Variants in CRMP1 observed in about 807,000 individuals in gnomAD.
The protein encoded by CRMP1 is dihydropyrimidinase-related protein 1.
CRMP1 carries 19 observed loss-of-function variants against 68.3 expected under a neutral mutation model. That is an observed-to-expected ratio of 0.28 (90% CI 0.19 to 0.41). The LOEUF (loss-of-function observed/expected upper bound fraction) is 0.41, where lower values mean the gene tolerates loss of function less well. Ranked by LOEUF, CRMP1 falls within the 10% of genes least tolerant of loss-of-function variation. CRMP1 has a pLI of 1.00. For missense variants in CRMP1, 791 were observed against 967.4 expected, an observed-to-expected ratio of 0.82 and a Z score of 2.42; for synonymous variants, 439 against 399.6, an observed-to-expected ratio of 1.10 and a Z score of -1.18.
intron 13 of CRMP1, among the ~76,000 whole-genome samples, chr4:5,823,928 T>G (rs1013101838): frequency 1.3e-5 from 2 of 152,230 alleles, no homozygotes; most frequent in African/African-American, 4.8e-5. Flanking sequence ...GAGGTTGTTA[T>G]GATGTTGGAA....
At chr4:5,878,011 C>G (rs1053433646) in intron 1 of CRMP1, among the ~76,000 whole-genome samples, 2 of 152,248 alleles carry the variant, frequency 1.3e-5, no homozygotes, top group Non-Finnish European at 2.9e-5. Context: ...CCGAACAGAA[C>G]TCCTTTGCCT....
In CRMP1 at chr4:5,861,878, G is replaced by A. The variant is rs1057331114; in HGVS notation, c.471-668C>T. Among the ~76,000 whole-genome samples, 6 of 152,188 alleles carry A rather than the reference G, an allele frequency of 3.9e-5. No individual in the cohort carries two copies. Among genetic ancestry groups the A allele is most frequent in the African/African-American group, 7.2e-5 (3 of 41,446 alleles). On this transcript the variant is annotated intron_variant, in intron 2 of 13. Transcript: ENST00000324989. This position sits in a 1 kb window ranked among gnomAD's most constrained non-coding sequence, Gnocchi z 6.0. ...AAAAATCCAATTGTTGTGAACGCTT[G>A]AGATTGGGCAGCATATTAATTTTCT...
chr4:5,830,252 T>C (rs1720268144), intron 11 of CRMP1, among the ~76,000 whole-genome samples: 1 of 152,226 alleles, frequency 6.6e-6, no homozygotes, highest in South Asian at 2.1e-4. Context: ...TTATCCTTTG[T>C]TATGTGTGTT....
rs1388652700 is a variant in CRMP1, at chr4:5,860,834, A to G, written c.655+192T>C. Among the ~76,000 whole-genome samples, 1 of 152,216 alleles carries G rather than the reference A, an allele frequency of 6.6e-6. No homozygotes were observed. Among genetic ancestry groups the G allele is most frequent in the Non-Finnish European group, 1.5e-5 (1 of 68,040 alleles). ...ATAAAACCGTATTGTTTATTAAGCCATCTTCTGTGGCCCCAGTGGCACACA... is the reference window on the plus strand; with the variant it reads ...ATAAAACCGTATTGTTTATTAAGCCGTCTTCTGTGGCCCCAGTGGCACACA... On this transcript the variant is annotated intron_variant, in intron 3 of 13. Coordinates refer to ENST00000324989, the MANE Select transcript of CRMP1 (RefSeq NM_001014809.3). This position sits in a 1 kb window ranked among gnomAD's most constrained non-coding sequence, Gnocchi z 4.2.
At chr4:5,831,496 T>C (rs1720379212) in intron 11 of CRMP1, among the ~76,000 whole-genome samples, 1 of 152,180 alleles carries the variant, frequency 6.6e-6, no homozygotes, top group Non-Finnish European at 1.5e-5. Flanking sequence ...TTTGCTAACC[T>C]AATTCTCCCT....
At position 5,881,544 on chromosome 4, in the gene CRMP1, C is replaced by G. The variant is rs1161580306; in HGVS notation, c.381+11045G>C. ...ATTGCACTTGGTTACCATTCAGCAC[C>G]GTGGTGCTGTCCACTGCCCCGACCA... On this transcript the variant is annotated intron_variant, in intron 1 of 13. Coordinates refer to ENST00000324989, the MANE Select transcript of CRMP1 (RefSeq NM_001014809.3). This position sits in a 1 kb window ranked among gnomAD's most constrained non-coding sequence, Gnocchi z 4.6. Among the ~76,000 whole-genome samples the G allele has an allele frequency of 6.6e-6, 1 of 152,136 alleles. No homozygotes were observed.
At chr4:5,848,126 C>T (rs1712356883) in intron 6 of CRMP1, among the ~76,000 whole-genome samples, 1 of 151,930 alleles carries the variant, frequency 6.6e-6, no homozygotes, top group Non-Finnish European at 1.5e-5. Flanking sequence ...GAAATAGAAC[C>T]TAGCTAGTCA....
At chr4:5,831,985 T>C (rs1720413359) in intron 11 of CRMP1, among the ~76,000 whole-genome samples, 1 of 151,164 alleles carries the variant, frequency 6.6e-6, no homozygotes, top group African/African-American at 2.5e-5. Context: ...CAAGGGGGTA[T>C]TATTCAGCCA....
rs545321200 is a variant in CRMP1, at chr4:5,873,978, T to G, written c.382-7222A>C. Among the ~76,000 whole-genome samples, 49 of 152,238 alleles carry G rather than the reference T, an allele frequency of 3.2e-4. 1 individual carries two copies. Among genetic ancestry groups the G allele is most frequent in the African/African-American group, 1.0e-3 (42 of 41,528 alleles). Reference sequence around the variant, plus strand: ...AACATTTCCAAGCTAAGACATCACATGAGCGCTGGGTGGAAATGGAAGAAG... The same window carrying G: ...AACATTTCCAAGCTAAGACATCACAGGAGCGCTGGGTGGAAATGGAAGAAG... On this transcript the variant is annotated intron_variant, in intron 1 of 13. Transcript: ENST00000324989.
Position 5,891,842 on chromosome 4 carries a change from C to A in CRMP1, c.381+747G>T, listed in dbSNP as rs765402130. Reference sequence around the variant, plus strand: ...AGCCCTAGCGTTCCCTCTCCCTGATCCTCCCGGCCCCATGCTCAGGTCCGG... The same window carrying A: ...AGCCCTAGCGTTCCCTCTCCCTGATACTCCCGGCCCCATGCTCAGGTCCGG... On this transcript the variant is annotated intron_variant, in intron 1 of 13. Transcript: ENST00000324989. This position sits in a 1 kb window ranked among gnomAD's most constrained non-coding sequence, Gnocchi z 5.2. Among the ~76,000 whole-genome samples, 2 of 152,190 alleles carry A rather than the reference C, an allele frequency of 1.3e-5. No homozygotes were observed. Among genetic ancestry groups the A allele is most frequent in the Non-Finnish European group, 2.9e-5 (2 of 68,036 alleles).
intron 3 of CRMP1, 76 bp from the exon 4 acceptor site, chr4:5,856,383 C>T (rs1030182577): frequency 3.7e-5 from 47 of 1,284,470 alleles, no homozygotes; most frequent in African/African-American, 5.8e-5. Flanking sequence ...ACCACTACCA[C>T]CATCATCACC....
At chr4:5,836,217 C>G (rs909203086) in intron 10 of CRMP1, 132 bp from the exon 11 acceptor site, 1 of 755,328 alleles carries the variant, frequency 1.3e-6, no homozygotes, top group Non-Finnish European at 1.9e-6. Flanking sequence ...CAGCTAAAAA[C>G]GTGCCATCAT....
rs1714004185 is a variant in CRMP1 at position 5,866,412 on chromosome 4, C to G, written c.470+256G>C. Among the ~76,000 whole-genome samples the G allele has an allele frequency of 6.6e-6, 1 of 152,222 alleles. No homozygotes were observed. Among genetic ancestry groups the G allele is most frequent in the African/African-American group, 2.4e-5 (1 of 41,448 alleles). On this transcript the variant is annotated intron_variant, in intron 2 of 13. Coordinates refer to ENST00000324989, the MANE Select transcript of CRMP1 (RefSeq NM_001014809.3). This position sits in a 1 kb window ranked among gnomAD's most constrained non-coding sequence, Gnocchi z 5.9. ...CAGGAAACGTGTCTGCATTTTGCAG[C>G]CTTTGTGTGAGCATTGCAAGAGAGG...
intron 2 of CRMP1, among the ~76,000 whole-genome samples, chr4:5,864,214 C>T (rs770405510): frequency 2.0e-5 from 3 of 152,022 alleles, no homozygotes; most frequent in Non-Finnish European, 2.9e-5. Context: ...CCAGGAAGGA[C>T]GGGGGTGGGT....
At position 5,860,061 on chromosome 4, in the gene CRMP1, G is replaced by A. The variant is rs552639803; in HGVS notation, c.655+965C>T. Among the ~76,000 whole-genome samples, 1 of 152,268 alleles carries A rather than the reference G, an allele frequency of 6.6e-6. No individual in the cohort carries two copies. Among genetic ancestry groups the A allele is most frequent in the East Asian group, 1.9e-4 (1 of 5,170 alleles). On this transcript the variant is annotated intron_variant, in intron 3 of 13. Coordinates refer to ENST00000324989, the MANE Select transcript of CRMP1 (RefSeq NM_001014809.3). This position sits in a 1 kb window ranked among gnomAD's most constrained non-coding sequence, Gnocchi z 4.2. ...CACAGGGCAATGGAGGAGGAGTCCA[G>A]TTTCCCAGACCGAGCACTGCTGGGG...
intron 11 of CRMP1, among the ~76,000 whole-genome samples, chr4:5,835,358 T>C (rs1002880292): frequency 6.6e-6 from 1 of 152,212 alleles, no homozygotes; most frequent in Admixed American, 6.5e-5. Context: ...GCACCCTCTC[T>C]GTGCACGCAT....
At chr4:5,852,910 A>AGGG (rs899638933) in intron 4 of CRMP1, among the ~76,000 whole-genome samples, 1 of 152,086 alleles carries the variant, frequency 6.6e-6, no homozygotes, top group African/African-American at 2.4e-5. Context: ...CTGTTCCTGA[A>AGGG]GGGGCCAGTA....
At chr4:5,874,907 T>C (rs1248686065) in intron 1 of CRMP1, among the ~76,000 whole-genome samples, 6 of 152,072 alleles carry the variant, frequency 3.9e-5, no homozygotes, top group Non-Finnish European at 8.8e-5. Context: ...ACGCTACAGA[T>C]GCTGCAGGAA....
intron 9 of CRMP1, among the ~76,000 whole-genome samples, 158 bp from the exon 10 acceptor site, chr4:5,837,064 C>G (rs573563373): frequency 6.6e-6 from 1 of 152,336 alleles, no homozygotes; most frequent in East Asian, 1.9e-4. Flanking sequence ...GCACGTGTCA[C>G]AAGTCAGGGA....
Sources: gnomAD v4.1 joint callset for allele counts (sites outside exome capture counted in the v4.1 genomes callset) on GRCh38, gnomAD v4.1.1 for gene constraint, Gnocchi (gnomAD v3.1) non-coding constraint, MANE v1.5 for transcripts, NCBI Gene and HGNC (gene_info 2026-07-23, HGNC 2026-07-21) for gene names.